Variants in GRIP1 observed in about 807,000 individuals in gnomAD.
The protein encoded by GRIP1 is glutamate receptor interacting protein 1.
A neutral mutation model predicts 129.9 loss-of-function variants in GRIP1; 45 were observed. The ratio of observed to expected loss-of-function variants is 0.35; its 90% CI spans 0.27 to 0.44. The LOEUF (loss-of-function observed/expected upper bound fraction) is 0.44. Ranked by LOEUF, GRIP1 falls within the 20% of genes least tolerant of loss-of-function variation. The probability of loss-of-function intolerance (pLI) is 1.00; values close to 1 mark genes in which losing one functional copy is unlikely to be tolerated. For missense variants in GRIP1, 1,196 were observed against 1,396.8 expected (o/e 0.86, Z 2.29); for synonymous variants, 530 against 520.8 (o/e 1.02, Z -0.24).
At chr12:66,661,760 A>C (rs964845540) in intron 1 of GRIP1, among the ~76,000 whole-genome samples, 10 of 152,106 alleles carry the variant, frequency 6.6e-5, no homozygotes, top group African/African-American at 2.4e-4. Flanking sequence ...GTATCATCTC[A>C]AGCCTGTACA....
intron 1 of GRIP1, among the ~76,000 whole-genome samples, chr12:66,710,088 C>T (rs933102517): frequency 7.9e-5 from 12 of 151,904 alleles, no homozygotes; most frequent in African/African-American, 2.9e-4. Flanking sequence ...GGTTGCTCTG[C>T]AGTGAAGTTC....
rs2054093920 is a variant in GRIP1 at position 66,348,857 on chromosome 12, A to G, written c.*162T>C. 1 of 689,386 alleles carries G rather than the reference A, an allele frequency of 1.5e-6. No individual in the cohort carries two copies. The highest frequency in any genetic ancestry group is 2.6e-6 in the Non-Finnish European group (1 of 384,108). The allele number at this position is 689,386 out of a possible 1,614,324, so 42.7% of individuals were successfully genotyped here. On this transcript the variant is annotated 3_prime_UTR_variant, in exon 25 of 25. Coordinates refer to ENST00000359742, the MANE Select transcript of GRIP1 (RefSeq NM_001366722.1). Reference sequence around the variant, plus strand: ...AAAAAAGAAACCTCTTCAACTTGAAAAGGGAAGTGAACATGAGCCATGAGA... The same window carrying G: ...AAAAAAGAAACCTCTTCAACTTGAAGAGGGAAGTGAACATGAGCCATGAGA...
intron 1 of GRIP1, among the ~76,000 whole-genome samples, chr12:66,768,920 G>A (rs904541006): frequency 8.5e-5 from 13 of 152,192 alleles, no homozygotes; most frequent in African/African-American, 3.1e-4. Flanking sequence ...ATGTGACCCA[G>A]TGTTTAAACC....
At chr12:66,855,818 A>G (rs535995873) in intron 1 of GRIP1, among the ~76,000 whole-genome samples, 203 of 152,190 alleles carry the variant, frequency 1.3e-3, no homozygotes, top group African/African-American at 4.3e-3. Flanking sequence ...CACTAATCCC[A>G]TAAGATATTC....
chr12:66,537,364 G>T (rs1390191186), intron 4 of GRIP1, among the ~76,000 whole-genome samples: 1 of 152,070 alleles, frequency 6.6e-6, no homozygotes, highest in Non-Finnish European at 1.5e-5. Context: ...ACTCCTTGTG[G>T]AAAGGATTAA....
intron 2 of GRIP1, among the ~76,000 whole-genome samples, chr12:66,579,102 G>A (rs1373761857): frequency 1.3e-5 from 2 of 152,158 alleles, no homozygotes; most frequent in Non-Finnish European, 2.9e-5. Flanking sequence ...CACGGTTCAC[G>A]AAAAACCACT....
chr12:67,037,327 GA>G (rs925070630), intron 1 of GRIP1: 11 of 13,808 alleles, frequency 8.0e-4, no homozygotes, highest in African/African-American at 1.3e-3. Flanking sequence ...GACTCTGCCT[GA>G]AAATAATAAT....
chr12:66,883,700 T>G (rs1442877768), intron 1 of GRIP1, among the ~76,000 whole-genome samples: 1 of 152,166 alleles, frequency 6.6e-6, no homozygotes, highest in African/African-American at 2.4e-5. Context: ...GATTTATAAC[T>G]GTCATCCCGA....
chr12:66,690,773 G>A (rs2034957252), intron 1 of GRIP1, among the ~76,000 whole-genome samples: 1 of 149,162 alleles, frequency 6.7e-6, no homozygotes, highest in African/African-American at 2.5e-5. Flanking sequence ...TCGCTATGTT[G>A]CTTAGAAAAA....
chr12:66,501,633 C>G (rs1260834571), intron 7 of GRIP1, among the ~76,000 whole-genome samples: 1 of 152,180 alleles, frequency 6.6e-6, no homozygotes, highest in Non-Finnish European at 1.5e-5. Context: ...AATACATATA[C>G]ATGACCTCAA....
At chr12:66,857,219 G>C (rs2040022184) in intron 1 of GRIP1, among the ~76,000 whole-genome samples, 2 of 143,312 alleles carry the variant, frequency 1.4e-5, no homozygotes, top group South Asian at 4.6e-4. Context: ...ACCGGGGCCT[G>C]TTGTGGGGTG....
chr12:66,352,921 C>T (rs931566779), intron 24 of GRIP1, among the ~76,000 whole-genome samples: 5 of 152,078 alleles, frequency 3.3e-5, no homozygotes, highest in African/African-American at 9.6e-5. Context: ...ACCAAGATCA[C>T]GCCACTCCAC....
chr12:66,631,308 T>C (rs2030752415), intron 1 of GRIP1, among the ~76,000 whole-genome samples: 1 of 152,206 alleles, frequency 6.6e-6, no homozygotes, highest in African/African-American at 2.4e-5. Flanking sequence ...ATGGGCTTGA[T>C]TGAAAAAAAC....
At chr12:66,434,478 A>G (rs188292992) in intron 13 of GRIP1, among the ~76,000 whole-genome samples, 1 of 152,204 alleles carries the variant, frequency 6.6e-6, no homozygotes. Context: ...AAGAATTTGT[A>G]TCCTTTCAAT....
chr12:66,522,700 A>G (rs2061060834), intron 5 of GRIP1, among the ~76,000 whole-genome samples: 1 of 152,192 alleles, frequency 6.6e-6, no homozygotes, highest in Non-Finnish European at 1.5e-5. Context: ...ACAAGTTGAG[A>G]GAAGAAGACT....
intron 1 of GRIP1, among the ~76,000 whole-genome samples, chr12:67,030,578 T>C (rs2043008230): frequency 6.6e-6 from 1 of 152,110 alleles, no homozygotes; most frequent in African/African-American, 2.4e-5. Flanking sequence ...TTCCACTATT[T>C]CCCATACTCC....
intron 15 of GRIP1, among the ~76,000 whole-genome samples, chr12:66,418,706 T>C (rs569179901): frequency 6.6e-5 from 10 of 152,278 alleles, no homozygotes; most frequent in Admixed American, 2.6e-4. Context: ...TCAACATCAG[T>C]GGTCATCAGA....
intron 1 of GRIP1, among the ~76,000 whole-genome samples, chr12:66,816,878 T>C (rs1418967304): frequency 6.6e-6 from 1 of 152,160 alleles, no homozygotes; most frequent in Non-Finnish European, 1.5e-5. Flanking sequence ...ATTTGCTTCA[T>C]GATTAAGGTT....
At chr12:67,055,570 G>A (rs1268376047) in intron 1 of GRIP1, among the ~76,000 whole-genome samples, 1 of 152,178 alleles carries the variant, frequency 6.6e-6, no homozygotes, top group African/African-American at 2.4e-5. Flanking sequence ...AAAAGTTACT[G>A]AGGACTCCCA....
Sources: allele counts gnomAD v4.1 joint callset (sites outside exome capture counted in the v4.1 genomes callset), GRCh38; gene constraint gnomAD v4.1.1; transcripts MANE v1.5; gene names NCBI Gene and HGNC (gene_info 2026-07-23, HGNC 2026-07-21).